DMRT1: variants seen among roughly 807,000 people sequenced by gnomAD.
DMRT1 encodes the protein doublesex- and mab-3-related transcription factor 1.
DMRT1 carries 7 observed loss-of-function variants against 32.3 expected under a neutral mutation model. The observed-to-expected ratio is 0.22, with a 90% CI of 0.12 to 0.41. The LOEUF (loss-of-function observed/expected upper bound fraction) is 0.41, where lower values mean the gene tolerates loss of function less well. Among genes scored for constraint, DMRT1 ranks in the 10% least tolerant of loss-of-function variants. The pLI is 1.00. For synonymous variants in DMRT1, 278 were observed against 206.1 expected (o/e 1.35, Z -2.99); for missense variants, 625 against 500.5 (o/e 1.25, Z -2.37).
At chr9:879,735 A>G (rs983892737) in intron 2 of DMRT1, among the ~76,000 whole-genome samples, 2 of 152,240 alleles carry the variant, frequency 1.3e-5, no homozygotes, top group African/African-American at 4.8e-5. Flanking sequence ...TTCCAAGATC[A>G]GACTAGATCT....
At chr9:850,244 T>C (rs2132550179) in intron 2 of DMRT1, among the ~76,000 whole-genome samples, 1 of 152,240 alleles carries the variant, frequency 6.6e-6, no homozygotes. Flanking sequence ...AGTTAGGATG[T>C]GAGCAAGAGG....
intron 2 of DMRT1, among the ~76,000 whole-genome samples, chr9:880,333 T>A (rs564345218): frequency 3.7e-4 from 57 of 152,334 alleles, no homozygotes; most frequent in African/African-American, 1.3e-3. Flanking sequence ...TCTTTCTTTC[T>A]GCTTCATCAA....
At chr9:908,028 T>A (rs1292494268) in intron 3 of DMRT1, among the ~76,000 whole-genome samples, 1 of 152,208 alleles carries the variant, frequency 6.6e-6, no homozygotes, top group East Asian at 1.9e-4. Flanking sequence ...AAAAAAATAA[T>A]TTGGCCTTTG....
At chr9:917,516 T>C (rs1399607553) in intron 4 of DMRT1, among the ~76,000 whole-genome samples, 1 of 152,228 alleles carries the variant, frequency 6.6e-6, no homozygotes, top group African/African-American at 2.4e-5. Flanking sequence ...GGCAGGTCTT[T>C]ACAGCTGCTG....
intron 2 of DMRT1, among the ~76,000 whole-genome samples, chr9:872,394 T>G (rs1390712984): frequency 6.6e-6 from 1 of 152,196 alleles, no homozygotes; most frequent in East Asian, 1.9e-4. Flanking sequence ...GTTTAATATA[T>G]TCACAGAGTT....
intron 2 of DMRT1, among the ~76,000 whole-genome samples, chr9:886,941 A>G (rs1816954337): frequency 6.6e-6 from 1 of 152,202 alleles, no homozygotes; most frequent in Admixed American, 6.5e-5. Context: ...TTCCTTCTGA[A>G]GCTGCTTATT....
At position 868,585 on chromosome 9, in the gene DMRT1, C is replaced by T. The variant is rs1362763377; in HGVS notation, c.538+21442C>T. Among the ~76,000 whole-genome samples the T allele has an allele frequency of 2.0e-5, 3 of 152,206 alleles. No homozygotes were observed. The South Asian group carries it at 6.2e-4, about 32-fold the overall frequency. ...GGCACCTTTCTAAGCACAGCTAGCT[C>T]CTCTGTCTTGGGCCATTGTACCTCC... On this transcript the variant is annotated intron_variant, in intron 2 of 4. Coordinates refer to ENST00000382276, the MANE Select transcript of DMRT1 (RefSeq NM_021951.3).
intron 3 of DMRT1, among the ~76,000 whole-genome samples, chr9:902,314 C>G (rs1415070540): frequency 6.6e-6 from 1 of 151,820 alleles, no homozygotes; most frequent in Non-Finnish European, 1.5e-5. Flanking sequence ...TGTCTCTCGC[C>G]TCCTTCCTAC....
At chr9:862,449 C>A (rs1390009869) in intron 2 of DMRT1, among the ~76,000 whole-genome samples, 1 of 146,890 alleles carries the variant, frequency 6.8e-6, no homozygotes, top group Non-Finnish European at 1.5e-5. Flanking sequence ...GAGATGGCGG[C>A]AGCACAGTCC....
chr9:904,738 A>G (rs1487880886), intron 3 of DMRT1, among the ~76,000 whole-genome samples: 1 of 152,176 alleles, frequency 6.6e-6, no homozygotes, highest in Admixed American at 6.5e-5. Context: ...TGAGGTCAGG[A>G]GTTTGAGACC....
chr9:880,890 C>T (rs1816709725), intron 2 of DMRT1, among the ~76,000 whole-genome samples: 1 of 152,180 alleles, frequency 6.6e-6, no homozygotes, highest in Non-Finnish European at 1.5e-5. Context: ...AAAAATACTT[C>T]TGACCTCTTG....
At chr9:863,964 C>G (rs992713727) in intron 2 of DMRT1, among the ~76,000 whole-genome samples, 1 of 151,966 alleles carries the variant, frequency 6.6e-6, no homozygotes, top group Admixed American at 6.6e-5. Context: ...AAGTTTCCCC[C>G]GACTATTTGG....
chr9:886,092 G>T (rs1047482710), intron 2 of DMRT1, among the ~76,000 whole-genome samples: 6 of 152,120 alleles, frequency 3.9e-5, no homozygotes, highest in African/African-American at 1.4e-4. Flanking sequence ...ATATACTTCT[G>T]TGGTTGCTGT....
At chr9:933,298 C>T (rs923798116) in intron 4 of DMRT1, among the ~76,000 whole-genome samples, 4 of 152,182 alleles carry the variant, frequency 2.6e-5, no homozygotes, top group African/African-American at 7.2e-5. Context: ...TGCCTGCCAC[C>T]AAGTCACTTT....
chr9:850,819 A>G (rs952965735), intron 2 of DMRT1, among the ~76,000 whole-genome samples: 2 of 152,146 alleles, frequency 1.3e-5, no homozygotes, highest in African/African-American at 4.8e-5. Context: ...ACCTGAGGTC[A>G]GGAGTTCTAG....
intron 4 of DMRT1, among the ~76,000 whole-genome samples, chr9:917,950 C>T (rs183946499): frequency 4.6e-5 from 7 of 152,276 alleles, no homozygotes; most frequent in Admixed American, 1.3e-4. Context: ...AATCACTTTC[C>T]GTTGGGAGTG....
intron 2 of DMRT1, among the ~76,000 whole-genome samples, chr9:892,922 C>T (rs1253789416): frequency 6.6e-6 from 1 of 152,158 alleles, no homozygotes; most frequent in Non-Finnish European, 1.5e-5. Context: ...CTTTCTCCTT[C>T]CTCTCCTTTT....
At chr9:895,903 C>G (rs1277960467) in intron 3 of DMRT1, among the ~76,000 whole-genome samples, 1 of 149,578 alleles carries the variant, frequency 6.7e-6, no homozygotes, top group Admixed American at 6.7e-5. Flanking sequence ...CTCCCGGGTT[C>G]AAGCCATTCT....
intron 3 of DMRT1, 51 bp downstream of exon 3, chr9:894,246 C>T (rs752959270): frequency 1.9e-6 from 3 of 1,580,756 alleles, no homozygotes; most frequent in African/African-American, 1.3e-5. Context: ...AAGCCACATG[C>T]ATGTGCACAC....
Sources: gnomAD v4.1 joint callset for allele counts (sites outside exome capture counted in the v4.1 genomes callset) on GRCh38, gnomAD v4.1.1 for gene constraint, MANE v1.5 for transcripts, NCBI Gene and HGNC (gene_info 2026-07-23, HGNC 2026-07-21) for gene names.